Variants in EXTL3 observed in about 807,000 individuals in gnomAD.
The protein encoded by EXTL3 is exostosin-like 3.
A neutral mutation model predicts 69.3 loss-of-function variants in EXTL3; 27 were observed. That is an observed-to-expected ratio of 0.39 (90% CI 0.29 to 0.54). The LOEUF is 0.54. EXTL3 is among the 20% of genes least tolerant of loss of function. The pLI is 0.69. For synonymous variants in EXTL3, 511 were observed against 499.4 expected (o/e 1.02, Z -0.31); for missense variants, 1,003 against 1,231.8 (o/e 0.81, Z 2.78).
In EXTL3 at chr8:28,752,634, G is replaced by T. The variant is rs1399255923; in HGVS notation, c.*1768G>T. ...CGCCGCCAGGACTGTGTTTCCAAAG[G>T]TTCCCCGCCCCCAACCCCAGCATCA... On this transcript the variant is annotated 3_prime_UTR_variant, in exon 7 of 7. Coordinates refer to ENST00000220562, the MANE Select transcript of EXTL3 (RefSeq NM_001440.4). The T allele has an allele frequency of 2.0e-5, 3 of 152,854 alleles. No individual in the cohort carries two copies. The highest frequency in any genetic ancestry group is 7.2e-5 in the African/African-American group (3 of 41,554). The allele number at this position is 152,854 out of a possible 1,614,324, so 9.5% of individuals were successfully genotyped here.
chr8:28,744,931 C>G (rs1215492542), intron 6 of EXTL3, among the ~76,000 whole-genome samples: 1 of 152,182 alleles, frequency 6.6e-6, no homozygotes, highest in African/African-American at 2.4e-5. Flanking sequence ...CCAGTGCACT[C>G]CAGCCTGGGT....
chr8:28,659,580 C>T (rs1436201477), intron 1 of EXTL3, among the ~76,000 whole-genome samples: 1 of 152,122 alleles, frequency 6.6e-6, no homozygotes, highest in Non-Finnish European at 1.5e-5. Flanking sequence ...AGCAGTTTTG[C>T]TTACTTCTAT....
At chr8:28,663,511 G>A (rs893563330) in intron 1 of EXTL3, among the ~76,000 whole-genome samples, 1 of 152,034 alleles carries the variant, frequency 6.6e-6, no homozygotes, top group African/African-American at 2.4e-5. Flanking sequence ...GAGTACAGTG[G>A]CGTGATCTTG....
intron 1 of EXTL3, among the ~76,000 whole-genome samples, chr8:28,633,841 A>G (rs923855366): frequency 1.3e-5 from 2 of 152,120 alleles, no homozygotes; most frequent in Non-Finnish European, 2.9e-5. Flanking sequence ...CATGTTTACT[A>G]TGTGGCCCTT....
At chr8:28,664,601 C>A (rs1807165549) in intron 1 of EXTL3, among the ~76,000 whole-genome samples, 1 of 151,964 alleles carries the variant, frequency 6.6e-6, no homozygotes, top group Non-Finnish European at 1.5e-5. Context: ...CATATTGATT[C>A]TTGAACTGTG....
At chr8:28,702,763 C>G (rs1800839037) in intron 1 of EXTL3, among the ~76,000 whole-genome samples, 1 of 152,078 alleles carries the variant, frequency 6.6e-6, no homozygotes. Flanking sequence ...TCACTTTGTC[C>G]TATTCTTTGT....
rs1802099298 is a variant in EXTL3 at position 28,755,389 on chromosome 8, G to C, written c.*4523G>C. 1 of 152,424 alleles carries C rather than the reference G, an allele frequency of 6.6e-6. No homozygotes were observed. The highest frequency in any genetic ancestry group is 1.5e-5 in the Non-Finnish European group (1 of 68,076). The allele number at this position is 152,424 out of a possible 1,614,324, so 9.4% of individuals were successfully genotyped here. Reference sequence around the variant, plus strand: ...TGAATGAATGCTTTGACAAAGTGAAGAGGGTCACTTAGAAATCACAGCTTA... The same window carrying C: ...TGAATGAATGCTTTGACAAAGTGAACAGGGTCACTTAGAAATCACAGCTTA... On this transcript the variant is annotated 3_prime_UTR_variant, in exon 7 of 7. Coordinates refer to ENST00000220562, the MANE Select transcript of EXTL3 (RefSeq NM_001440.4).
chr8:28,634,887 A>G (rs6993666), intron 1 of EXTL3, among the ~76,000 whole-genome samples: 53,312 of 151,726 alleles, frequency 0.35, 10,374 homozygotes, highest in African/African-American at 0.53. Context: ...GAGCCACTGC[A>G]CCCGGCTGAC....
chr8:28,687,036 TG>T (rs1807589015), intron 1 of EXTL3, among the ~76,000 whole-genome samples: 1 of 152,094 alleles, frequency 6.6e-6, no homozygotes, highest in African/African-American at 2.4e-5. Context: ...GACTTTGAGG[TG>T]GGACTGTCAG....
At chr8:28,748,320 G>A (rs138426758) in intron 6 of EXTL3, among the ~76,000 whole-genome samples, 166 of 150,980 alleles carry the variant, frequency 1.1e-3, no homozygotes, top group African/African-American at 4.0e-3. Flanking sequence ...GTAGTGAGCC[G>A]AGATCACCGC....
chr8:28,723,646 T>TG (rs1004240580), intron 3 of EXTL3, among the ~76,000 whole-genome samples: 1 of 150,414 alleles, frequency 6.6e-6, no homozygotes, highest in African/African-American at 2.5e-5. Flanking sequence ...GACTGTTTTT[T>TG]TTTTTTTTTT....
intron 3 of EXTL3, among the ~76,000 whole-genome samples, chr8:28,729,814 A>G (rs1290632365): frequency 6.6e-6 from 1 of 150,968 alleles, no homozygotes; most frequent in Non-Finnish European, 1.5e-5. Context: ...CCTGGGGGGA[A>G]CATAGTGATG....
In EXTL3 at chr8:28,750,713, T is replaced by C. The variant is rs1801984704; in HGVS notation, c.2607T>C (p.Asp869=). 4 of 1,614,224 alleles carry C rather than the reference T, an allele frequency of 2.5e-6. No homozygotes were observed. The highest frequency in any genetic ancestry group is 3.4e-6 in the Non-Finnish European group (4 of 1,180,048). Reference sequence around the variant, plus strand: ...GATGCCCTCAGGCCCTGTCTCATGATGACTCCCACTTCCACGAGCGGCACA... The same window carrying C: ...GATGCCCTCAGGCCCTGTCTCATGACGACTCCCACTTCCACGAGCGGCACA... ...CPGCPQALSH[D]DSHFHERHKC... The change falls in exon 7 of 7, where the codon GAT becomes GAC. Residue 869 remains aspartate (D), a synonymous_variant. Coordinates refer to ENST00000220562, the MANE Select transcript of EXTL3 (RefSeq NM_001440.4). This position sits in a 1 kb window ranked among gnomAD's most constrained non-coding sequence, Gnocchi z 5.2.
At chr8:28,665,710 C>A (rs892701997) in intron 1 of EXTL3, among the ~76,000 whole-genome samples, 6 of 152,104 alleles carry the variant, frequency 3.9e-5, no homozygotes, top group South Asian at 4.1e-4. Context: ...GCCTGTCCTA[C>A]TTGTGTACAT....
At chr8:28,687,938 G>GT (rs1800547495) in intron 1 of EXTL3, among the ~76,000 whole-genome samples, 1 of 151,756 alleles carries the variant, frequency 6.6e-6, no homozygotes, top group African/African-American at 2.4e-5. Context: ...GTTTTCATTT[G>GT]TTTTTTCTAT....
chr8:28,656,878 G>T (rs1563437881), intron 1 of EXTL3, among the ~76,000 whole-genome samples: 1 of 139,048 alleles, frequency 7.2e-6, no homozygotes, highest in Admixed American at 7.3e-5. Flanking sequence ...CCATTATTAT[G>T]GTTGGTCTTT....
At chr8:28,732,827 G>A (rs562767154) in intron 4 of EXTL3, among the ~76,000 whole-genome samples, 4 of 152,124 alleles carry the variant, frequency 2.6e-5, no homozygotes, top group Non-Finnish European at 4.4e-5. Flanking sequence ...AGGTTCAAGC[G>A]ATTCTTTCAT....
intron 1 of EXTL3, among the ~76,000 whole-genome samples, chr8:28,632,607 A>G (rs1806585755): frequency 1.4e-5 from 2 of 142,076 alleles, no homozygotes; most frequent in Non-Finnish European, 3.0e-5. Context: ...AGGCTAGAGT[A>G]GAGTGGTACG....
intron 1 of EXTL3, among the ~76,000 whole-genome samples, chr8:28,673,027 C>A (rs1206450678): frequency 6.6e-6 from 1 of 152,218 alleles, no homozygotes; most frequent in Non-Finnish European, 1.5e-5. Context: ...AGCCTTCCAC[C>A]ACGATTGTGA....
Sources: gnomAD v4.1 joint callset for allele counts (sites outside exome capture counted in the v4.1 genomes callset) on GRCh38, gnomAD v4.1.1 for gene constraint, Gnocchi (gnomAD v3.1) non-coding constraint, MANE v1.5 for transcripts, NCBI Gene and HGNC (gene_info 2026-07-23, HGNC 2026-07-21) for gene names.